Variants in SECISBP2L observed in about 807,000 individuals in gnomAD.
SECISBP2L encodes the protein selenocysteine insertion sequence-binding protein 2-like.
Under a neutral mutation model 114.7 loss-of-function variants are expected in SECISBP2L, and 43 were observed. The ratio of observed to expected loss-of-function variants is 0.38; its 90% CI spans 0.29 to 0.48. SECISBP2L has a LOEUF of 0.48. SECISBP2L is among the 20% of genes least tolerant of loss of function. SECISBP2L has a pLI of 0.98. For missense variants in SECISBP2L, 1,136 were observed against 1,301.1 expected, an observed-to-expected ratio of 0.87 and a Z score of 1.95; for synonymous variants, 451 against 439.7, an observed-to-expected ratio of 1.03 and a Z score of -0.32.
At chr15:49,040,820 G>C (rs1048985245) in intron 1 of SECISBP2L, among the ~76,000 whole-genome samples, 7 of 151,594 alleles carry the variant, frequency 4.6e-5, no homozygotes, top group African/African-American at 1.7e-4. Context: ...TTACAAGCGT[G>C]AGCCACCGCG....
At chr15:49,004,285 C>T (rs988159794) in intron 14 of SECISBP2L, among the ~76,000 whole-genome samples, 10 of 151,974 alleles carry the variant, frequency 6.6e-5, no homozygotes, top group African/African-American at 2.4e-4. Context: ...CAGTTGTGAT[C>T]TTCCCTTTAT....
chr15:49,014,876 A>T lies in SECISBP2L; in HGVS notation c.1561+1684T>A, dbSNP rs571784669. On this transcript the variant is annotated intron_variant, in intron 11 of 17. Transcript: ENST00000559471. ...ATATATTTAGCAGTATATACTGTAT[A>T]TATAATATAGACATTATATATACTG... is the stretch of plus-strand genomic sequence containing the variant. Among the ~76,000 whole-genome samples, 3 of 149,714 alleles carry T rather than the reference A, an allele frequency of 2.0e-5. No individual in the cohort carries two copies. In the South Asian group the frequency reaches 6.3e-4, roughly 31 times the overall value.
At position 48,991,512 on chromosome 15, in the gene SECISBP2L, G is replaced by A. The variant is rs747412366; in HGVS notation, c.*732C>T. 5 of 152,626 alleles carry A rather than the reference G, an allele frequency of 3.3e-5. No individual in the cohort carries two copies. Among genetic ancestry groups the A allele is most frequent in the African/African-American group, 9.7e-5 (4 of 41,440 alleles). 9.5% of individuals were successfully genotyped at this position (152,626 alleles called of 1,614,324 possible). A position where few individuals can be genotyped will look rare whatever the true frequency, so the allele number is the denominator to read the frequency against. The stretch of plus-strand genomic sequence containing the variant: ...AGTCTATGTACAAGAGCATTCCTGA[G>A]GTAAGTAAGAAGCAAATATGAGACA... On this transcript the variant is annotated 3_prime_UTR_variant, in exon 18 of 18. Coordinates refer to ENST00000559471, the MANE Select transcript of SECISBP2L (RefSeq NM_001193489.2).
In SECISBP2L at chr15:49,033,107, TA is replaced by T. The variant is rs755246614; in HGVS notation, c.529-8del. 1.7e-4 allele frequency: 238 copies of T among 1,403,380 alleles called. No individual in the cohort carries two copies. Among genetic ancestry groups the T allele is most frequent in the Admixed American group, 5.9e-4 (29 of 49,540 alleles). 86.9% of individuals were successfully genotyped at this position (1,403,380 alleles called of 1,614,324 possible). A position where few individuals can be genotyped will look rare whatever the true frequency, so the allele number is the denominator to read the frequency against. On this transcript the variant is annotated splice_polypyrimidine_tract_variant and splice_region_variant and intron_variant, in intron 3 of 17. Transcript: ENST00000559471. Reference sequence around the variant, plus strand: ...GCTGTTGTAAAAGCTGTTGCTGATTTAAAAAAAAAACAAAAAAACAAAAAAC... The same window carrying T: ...GCTGTTGTAAAAGCTGTTGCTGATTTAAAAAAAAACAAAAAAACAAAAAAC...
intron 6 of SECISBP2L, among the ~76,000 whole-genome samples, 196 bp downstream of exon 6, chr15:49,027,948 A>G (rs1285597461): frequency 6.6e-6 from 1 of 152,172 alleles, no homozygotes; most frequent in African/African-American, 2.4e-5. Context: ...TTAGTAATAC[A>G]AGTGTCCTCT....
Position 49,037,753 on chromosome 15 carries a change from G to T in SECISBP2L, c.41C>A (p.Ala14Asp). 6.2e-7 allele frequency: 1 copy of T among 1,601,736 alleles called. No individual in the cohort carries two copies. The highest frequency in any genetic ancestry group is 8.5e-7 in the Non-Finnish European group (1 of 1,171,598). ...CTGGGGAATAAATGGCTCCACCTCA[G>T]CTGACAGCTTGACATTCTTCAAAGA... ...APTEQNVKLS[A>D]EVEPFIPQKK... Residue 14 changes from alanine to aspartate, a missense_variant, in exon 2 of 18, where the codon GCT becomes GAT. Around this residue, in one of 2 missense-constraint regions of SECISBP2L, gnomAD observed 452 missense variants for 452.3 expected, o/e 1.00. Coordinates refer to ENST00000559471, the MANE Select transcript of SECISBP2L (RefSeq NM_001193489.2).
intron 7 of SECISBP2L, 154 bp from the exon 8 acceptor site, chr15:49,019,706 CAAGT>C (rs1902604146): frequency 5.5e-6 from 3 of 544,426 alleles, no homozygotes; most frequent in Non-Finnish European, 8.3e-6. Flanking sequence ...AAGTTTCTGA[CAAGT>C]AAGGTACTTA....
rs1020608651 is a variant in SECISBP2L, at chr15:48,991,040, C to A, written c.*1204G>T. On this transcript the variant is annotated 3_prime_UTR_variant, in exon 18 of 18. Transcript: ENST00000559471. ...AGGTATACAAACTCCTAGAGAAGGG[C>A]AGAGATAAATAATAGTGAATAGAGA... The A allele has an allele frequency of 3.9e-5, 6 of 152,154 alleles. No individual in the cohort carries two copies. The highest frequency in any genetic ancestry group is 8.8e-5 in the Non-Finnish European group (6 of 68,042). The allele number at this position is 152,154 out of a possible 1,614,324, so 9.4% of individuals were successfully genotyped here.
rs968255949 is a variant in SECISBP2L at position 49,007,121 on chromosome 15, C to A, written c.2027+2095G>T. ...ACCCTTTTTGCCTGGGTATCACCAGCGGAGGCTACAGAACAGCAAAGATTC... is the reference window on the plus strand; with the variant it reads ...ACCCTTTTTGCCTGGGTATCACCAGAGGAGGCTACAGAACAGCAAAGATTC... On this transcript the variant is annotated intron_variant, in intron 14 of 17. Transcript: ENST00000559471. Among the ~76,000 whole-genome samples, 16 of 152,176 alleles carry A rather than the reference C, an allele frequency of 1.1e-4. 1 individual carries two copies. Among genetic ancestry groups the A allele is most frequent in the Middle Eastern group, 3.2e-3 (1 of 316 alleles).
At chr15:49,003,161 T>C (rs1902245605) in intron 14 of SECISBP2L, among the ~76,000 whole-genome samples, 1 of 148,136 alleles carries the variant, frequency 6.8e-6, no homozygotes, top group African/African-American at 2.5e-5. Context: ...GAAGAGTTCC[T>C]TCACATCCCT....
chr15:49,017,649 A>C (rs1223248961), intron 8 of SECISBP2L, 21 bp from the exon 9 acceptor site: 1 of 1,562,652 alleles, frequency 6.4e-7, no homozygotes, highest in Admixed American at 1.8e-5. Flanking sequence ...TCACATTTTA[A>C]GTAAAAAGAG....
rs374662815 is a variant in SECISBP2L, at chr15:49,036,348, T to C, written c.204-690A>G. Reference sequence around the variant, plus strand: ...CAGCAGCCCCCTCACCAAATCAATATGGGGTCCTAAGGACTAGGGAGTTGA... The same window carrying C: ...CAGCAGCCCCCTCACCAAATCAATACGGGGTCCTAAGGACTAGGGAGTTGA... On this transcript the variant is annotated intron_variant, in intron 2 of 17. Coordinates refer to ENST00000559471, the MANE Select transcript of SECISBP2L (RefSeq NM_001193489.2). Among the ~76,000 whole-genome samples, 321 of 152,316 alleles carry C rather than the reference T, an allele frequency of 2.1e-3. 3 individuals carry two copies. Among genetic ancestry groups the C allele is most frequent in the African/African-American group, 7.4e-3 (308 of 41,570 alleles).
Position 49,019,561 on chromosome 15 carries a change from A to AC in SECISBP2L, c.1036-10dup. On this transcript the variant is annotated splice_polypyrimidine_tract_variant and intron_variant, in intron 7 of 17. Coordinates refer to ENST00000559471, the MANE Select transcript of SECISBP2L (RefSeq NM_001193489.2). ...CGGCATCTGAATCCAACCTAAGTAA[A>AC]CCCCAGAGGGGAAAAAAAATCTAAT... 1.4e-6 allele frequency: 2 copies of AC among 1,447,066 alleles called. No individual in the cohort carries two copies. Among genetic ancestry groups the AC allele is most frequent in the Non-Finnish European group, 9.0e-7 (1 of 1,112,750 alleles). 89.6% of individuals were successfully genotyped at this position (1,447,066 alleles called of 1,614,324 possible).
intron 7 of SECISBP2L, 60 bp from the exon 8 acceptor site, chr15:49,019,612 A>C: frequency 7.7e-7 from 1 of 1,296,960 alleles, no homozygotes; most frequent in Middle Eastern, 2.2e-4. Context: ...GTTTCACTCA[A>C]ATATATAACA....
intron 1 of SECISBP2L, among the ~76,000 whole-genome samples, chr15:49,045,743 G>A (rs1566865787): frequency 6.6e-6 from 1 of 152,092 alleles, no homozygotes; most frequent in Non-Finnish European, 1.5e-5. Flanking sequence ...AAAAGGACAA[G>A]GGGAAATCGT....
In SECISBP2L at chr15:48,999,995, A is replaced by G; in HGVS notation, c.2249-8T>C. The stretch of plus-strand genomic sequence containing the variant: ...GAGCCTCATCCAGACCACCTGAGAA[A>G]ATCAACACATGCAGACGCCTTTAGT... On this transcript the variant is annotated splice_polypyrimidine_tract_variant and splice_region_variant and intron_variant, in intron 15 of 17. Coordinates refer to ENST00000559471, the MANE Select transcript of SECISBP2L (RefSeq NM_001193489.2). 1 of 1,613,140 alleles carries G rather than the reference A, an allele frequency of 6.2e-7. No homozygotes were observed. The highest frequency in any genetic ancestry group is 8.5e-7 in the Non-Finnish European group (1 of 1,179,416).
chr15:49,039,566 G>A (rs955567469), intron 1 of SECISBP2L, among the ~76,000 whole-genome samples: 2 of 148,244 alleles, frequency 1.3e-5, no homozygotes, highest in Non-Finnish European at 3.0e-5. Context: ...GCTCTGTCAC[G>A]GGGTGGAGGT....
chr15:49,011,578 A>T, intron 13 of SECISBP2L, 153 bp downstream of exon 13: 1 of 847,768 alleles, frequency 1.2e-6, no homozygotes, highest in South Asian at 2.0e-5. Context: ...CTACAAAAGC[A>T]TCTTTAAAAG....
At position 49,012,948 on chromosome 15, in the gene SECISBP2L, A is replaced by G. The variant is rs1430352646; in HGVS notation, c.1562-131T>C. The G allele has an allele frequency of 9.9e-6, 8 of 811,158 alleles. No individual in the cohort carries two copies. The East Asian group carries it at 2.1e-4, about 21-fold the overall frequency. The allele number at this position is 811,158 out of a possible 1,614,324, so 50.2% of individuals were successfully genotyped here. A position where few individuals can be genotyped will look rare whatever the true frequency, so the allele number is the denominator to read the frequency against. On this transcript the variant is annotated intron_variant, in intron 11 of 17. Transcript: ENST00000559471. ...ACGACATCATAACAGTAGGAGCACT[A>G]TACATGGCTAGGCAGTGTCCCTCAG...
Sources: gnomAD v4.1 joint callset for allele counts (sites outside exome capture counted in the v4.1 genomes callset) on GRCh38, gnomAD v4.1.1 for gene constraint, gnomAD v4.1.1 regional missense constraint, MANE v1.5 for transcripts, NCBI Gene and HGNC (gene_info 2026-07-23, HGNC 2026-07-21) for gene names.